GPR158: variants seen among roughly 807,000 people sequenced by gnomAD.
GPR158 encodes the protein metabotropic glycine receptor.
A neutral mutation model predicts 78.2 loss-of-function variants in GPR158; 30 were observed. The observed-to-expected ratio is 0.38, with a 90% confidence interval of 0.29 to 0.52. The LOEUF is 0.52. Among genes scored for constraint, GPR158 ranks in the 20% least tolerant of loss-of-function variants. The pLI, the probability that GPR158 is intolerant of heterozygous loss-of-function variation, is 0.83. For synonymous variants in GPR158, 581 were observed against 591.1 expected, an observed-to-expected ratio of 0.98 and a Z score of 0.25; for missense variants, 1,463 against 1,523.5, an observed-to-expected ratio of 0.96 and a Z score of 0.66.
chr10:25,516,433 G>A (rs949768234), intron 5 of GPR158, among the ~76,000 whole-genome samples: 4 of 152,042 alleles, frequency 2.6e-5, no homozygotes, highest in African/African-American at 9.7e-5. Context: ...TTTTGGACGT[G>A]AAGTCCTTGC....
At chr10:25,299,836 A>T (rs1854565471) in intron 2 of GPR158, among the ~76,000 whole-genome samples, 2 of 151,618 alleles carry the variant, frequency 1.3e-5, no homozygotes, top group African/African-American at 2.4e-5. Flanking sequence ...TTTTATTTTT[A>T]TTTTTTTTGA....
chr10:25,255,169 A>C (rs931078978), intron 2 of GPR158, among the ~76,000 whole-genome samples: 10 of 152,204 alleles, frequency 6.6e-5, no homozygotes, highest in Non-Finnish European at 1.3e-4. Context: ...ACACAAACAC[A>C]ATACTGCCCC....
intron 5 of GPR158, among the ~76,000 whole-genome samples, chr10:25,529,230 A>G (rs1836391529): frequency 1.3e-5 from 2 of 152,048 alleles, no homozygotes; most frequent in South Asian, 4.1e-4. Flanking sequence ...TACTAAAAAT[A>G]CAAAAAATTA....
intron 2 of GPR158, among the ~76,000 whole-genome samples, chr10:25,241,314 CT>C (rs2130708042): frequency 8.4e-5 from 9 of 107,122 alleles, no homozygotes; most frequent in African/African-American, 3.1e-4. Context: ...CTTTTCTTTT[CT>C]CTTCTCTTCT....
intron 5 of GPR158, among the ~76,000 whole-genome samples, chr10:25,515,560 C>T (rs1322155188): frequency 1.5e-5 from 2 of 129,152 alleles, no homozygotes; most frequent in Non-Finnish European, 3.2e-5. Context: ...TGATATTCCC[C>T]TTCCTGTGTC....
chr10:25,459,459 A>G (rs16925902), intron 4 of GPR158, among the ~76,000 whole-genome samples: 3,601 of 152,228 alleles, frequency 0.024, 148 homozygotes, highest in African/African-American at 0.082. Context: ...TTTGTAATAG[A>G]AGGTCTAAAT....
intron 1 of GPR158, among the ~76,000 whole-genome samples, chr10:25,209,268 CTA>C (rs1031785703): frequency 6.6e-6 from 1 of 152,204 alleles, no homozygotes; most frequent in African/African-American, 2.4e-5. Flanking sequence ...ATGTACCACT[CTA>C]TCTCTTCCTC....
intron 1 of GPR158, among the ~76,000 whole-genome samples, chr10:25,196,296 G>A (rs551374595): frequency 6.0e-5 from 9 of 149,864 alleles, no homozygotes; most frequent in East Asian, 5.8e-4. Context: ...TTTTCCTTTG[G>A]CAATTTCTCT....
At chr10:25,347,566 A>G (rs982896327) in intron 2 of GPR158, among the ~76,000 whole-genome samples, 12 of 151,918 alleles carry the variant, frequency 7.9e-5, no homozygotes, top group African/African-American at 2.7e-4. Flanking sequence ...TTACCATTCT[A>G]TTTGACATAT....
intron 5 of GPR158, among the ~76,000 whole-genome samples, chr10:25,482,434 C>A (rs1835674614): frequency 6.6e-6 from 1 of 152,084 alleles, no homozygotes; most frequent in Non-Finnish European, 1.5e-5. Context: ...CCTCTCACCT[C>A]ATCCTCCCAA....
intron 4 of GPR158, among the ~76,000 whole-genome samples, chr10:25,462,707 A>G (rs1021289879): frequency 6.6e-6 from 1 of 152,238 alleles, no homozygotes; most frequent in Non-Finnish European, 1.5e-5. Context: ...AACTAACTGC[A>G]GATATGGTGA....
chr10:25,262,539 T>A (rs1191383929), intron 2 of GPR158, among the ~76,000 whole-genome samples: 1 of 152,186 alleles, frequency 6.6e-6, no homozygotes, highest in East Asian at 1.9e-4. Flanking sequence ...CTAGGCATTT[T>A]TTGTTTTACA....
At chr10:25,249,111 C>T (rs929022228) in intron 2 of GPR158, among the ~76,000 whole-genome samples, 1 of 151,362 alleles carries the variant, frequency 6.6e-6, no homozygotes, top group African/African-American at 2.4e-5. Flanking sequence ...ATTTGGCTCT[C>T]TGTCTGTTGT....
At chr10:25,307,964 T>C (rs1854705763) in intron 2 of GPR158, among the ~76,000 whole-genome samples, 1 of 152,168 alleles carries the variant, frequency 6.6e-6, no homozygotes, top group African/African-American at 2.4e-5. Context: ...TATTGTCAGA[T>C]TCCTCACTAG....
Position 25,597,856 on chromosome 10 carries a change from C to T in GPR158, c.2230C>T (p.Arg744Trp), listed in dbSNP as rs1157039977. The T allele has an allele frequency of 3.2e-6, 5 of 1,548,202 alleles. No homozygotes were observed. The highest frequency in any genetic ancestry group is 1.7e-4 in the Middle Eastern group (1 of 5,740). ...ITNNPHLQKK[R>W]CSKKGLGRSI... ...AAACAACCCCCACCTCCAGAAAAAG[C>T]GGTGCTCGAAGAAGGGCCTAGGTCG... Residue 744 changes from arginine (R) to tryptophan (W), a missense_variant, in exon 11 of 11, where the codon CGG (arginine) becomes TGG (tryptophan). Coordinates refer to ENST00000376351, the MANE Select transcript of GPR158 (RefSeq NM_020752.3).
chr10:25,195,723 CT>C (rs34295703), intron 1 of GPR158, among the ~76,000 whole-genome samples: 1 of 151,964 alleles, frequency 6.6e-6, no homozygotes. Flanking sequence ...TCTTCTTTTT[CT>C]TTTTTTCACC....
At chr10:25,597,045 AG>A (rs1404853274) in intron 10 of GPR158, among the ~76,000 whole-genome samples, 8 of 152,224 alleles carry the variant, frequency 5.3e-5, no homozygotes, top group African/African-American at 1.9e-4. Flanking sequence ...GGTCAACCTC[AG>A]TAGTCTTAAC....
At chr10:25,192,001 T>G (rs940323016) in intron 1 of GPR158, among the ~76,000 whole-genome samples, 23 of 152,156 alleles carry the variant, frequency 1.5e-4, no homozygotes, top group Admixed American at 1.2e-3. Context: ...AGGACCATAT[T>G]TTGTGACTTC....
intron 3 of GPR158, among the ~76,000 whole-genome samples, chr10:25,403,946 A>C (rs1363165678): frequency 3.3e-5 from 5 of 152,064 alleles, no homozygotes; most frequent in Non-Finnish European, 5.9e-5. Context: ...ATAAAGAGAT[A>C]CATCTATAAA....
Sources: gnomAD v4.1 joint callset for allele counts (sites outside exome capture counted in the v4.1 genomes callset) on GRCh38, gnomAD v4.1.1 for gene constraint, MANE v1.5 for transcripts, NCBI Gene and HGNC (gene_info 2026-07-23, HGNC 2026-07-21) for gene names.